Variants in RAF1 observed in about 807,000 individuals in gnomAD.
The protein encoded by RAF1 is Raf-1 proto-oncogene, serine/threonine kinase.
Under a neutral mutation model 81.1 loss-of-function variants are expected in RAF1, and 27 were observed. That is an observed-to-expected ratio of 0.33 (90% CI 0.25 to 0.46). RAF1 has a LOEUF of 0.46. Ranked by LOEUF, RAF1 falls within the 20% of genes least tolerant of loss-of-function variation. The probability of loss-of-function intolerance (pLI) is 1.00; values close to 1 mark genes in which losing one functional copy is unlikely to be tolerated. For synonymous variants in RAF1, 298 were observed against 294.0 expected (o/e 1.01, Z -0.14); for missense variants, 598 against 826.0 (o/e 0.72, Z 3.38).
chr3:12,651,781 G>C (rs191748082), intron 1 of RAF1, among the ~76,000 whole-genome samples: 43 of 151,878 alleles, frequency 2.8e-4, no homozygotes, highest in African/African-American at 9.9e-4. Context: ...AGGCCAAGGC[G>C]GGCAAATCAC....
In RAF1 at chr3:12,587,413, G is replaced by C. The variant is rs2058363466; in HGVS notation, c.1477+178C>G. The C allele has an allele frequency of 7.2e-6, 5 of 698,038 alleles. No homozygotes were observed. The Admixed American group carries it at 1.1e-4, about 15-fold the overall frequency. 43.2% of individuals were successfully genotyped at this position (698,038 alleles called of 1,614,324 possible). On this transcript the variant is annotated intron_variant, in intron 14 of 17. Coordinates refer to ENST00000442415, the MANE Select transcript of RAF1 (RefSeq NM_001354689.3). ...TCTCATCAGTCCAGGTGAGGCATAA[G>C]CTGCTGAGGGACAGGCCAAGCCTAC...
rs185200707 is a variant in RAF1, at chr3:12,610,796, A to G, written c.320+1154T>C. Among the ~76,000 whole-genome samples the G allele has an allele frequency of 4.2e-3, 639 of 152,314 alleles. 3 individuals are homozygous for G. Among genetic ancestry groups the G allele is most frequent in the Middle Eastern group, 0.01 (3 of 294 alleles). Reference sequence around the variant, plus strand: ...AAAAGAACCCTTTAAAGGTTTCCCTATATTTTCGGGGTGGAGGGAATAATG... The same window carrying G: ...AAAAGAACCCTTTAAAGGTTTCCCTGTATTTTCGGGGTGGAGGGAATAATG... On this transcript the variant is annotated intron_variant, in intron 3 of 17. Transcript: ENST00000442415.
At chr3:12,655,007 C>CCCA (rs1553624751) in intron 1 of RAF1, among the ~76,000 whole-genome samples, 1 of 148,446 alleles carries the variant, frequency 6.7e-6, no homozygotes, top group Non-Finnish European at 1.5e-5. Context: ...GAGACCCCCC[C>CCCA]CCCGCCATCT....
chr3:12,640,414 C>G lies in RAF1; in HGVS notation c.-26-21667G>C, dbSNP rs369822252. Among the ~76,000 whole-genome samples, 6 of 152,000 alleles carry G rather than the reference C, an allele frequency of 3.9e-5. No individual in the cohort carries two copies. In the East Asian group the frequency reaches 9.6e-4, roughly 24 times the overall value. ...GCTTCTGCACAGCAAAAGAAACTAC[C>G]ATCACAGTGAACACGCAACCTACAG... On this transcript the variant is annotated intron_variant, in intron 1 of 17. Coordinates refer to ENST00000442415, the MANE Select transcript of RAF1 (RefSeq NM_001354689.3).
At chr3:12,613,435 C>T (rs1184650129) in intron 2 of RAF1, among the ~76,000 whole-genome samples, 4 of 151,566 alleles carry the variant, frequency 2.6e-5, no homozygotes, top group Admixed American at 6.6e-5. Flanking sequence ...CCCCACACCC[C>T]GCCCCCAGAA....
At chr3:12,621,387 T>C (rs1227448931) in intron 1 of RAF1, among the ~76,000 whole-genome samples, 1 of 152,216 alleles carries the variant, frequency 6.6e-6, no homozygotes, top group African/African-American at 2.4e-5. Flanking sequence ...CAAAAGTTTC[T>C]AACTGAATAT....
chr3:12,635,454 T>TTTAGTAGA (rs1321236979), intron 1 of RAF1, among the ~76,000 whole-genome samples: 13 of 141,954 alleles, frequency 9.2e-5, no homozygotes, highest in African/African-American at 2.9e-4. Context: ...CTAGCCAACA[T>TTTAGTAGA]GGTGAAACCC....
intron 1 of RAF1, among the ~76,000 whole-genome samples, chr3:12,629,736 A>G (rs1416031233): frequency 6.6e-6 from 1 of 152,158 alleles, no homozygotes; most frequent in Non-Finnish European, 1.5e-5. Context: ...GCTTCCTGGT[A>G]TCTGGCTCTT....
At chr3:12,649,894 C>T (rs1032847522) in intron 1 of RAF1, among the ~76,000 whole-genome samples, 4 of 151,994 alleles carry the variant, frequency 2.6e-5, no homozygotes, top group Non-Finnish European at 5.9e-5. Flanking sequence ...TGCCTGTAAT[C>T]CCAGCACTTT....
chr3:12,584,695 C>T (rs1397120133), intron 17 of RAF1, 38 bp from the exon 17 acceptor site: 1 of 1,613,964 alleles, frequency 6.2e-7, no homozygotes, highest in Admixed American at 1.7e-5. Flanking sequence ...TTAGCTGTGT[C>T]TCAAAGACAC....
chr3:12,662,338 T>TAAA lies in RAF1; in HGVS notation c.-27+1472_-27+1474dup, dbSNP rs61275660. Among the ~76,000 whole-genome samples, 69 of 100,872 alleles carry TAAA rather than the reference T, an allele frequency of 6.8e-4. 1 individual carries two copies. The highest frequency in any genetic ancestry group is 1.1e-3 in the Non-Finnish European group (54 of 50,928). 66.2% of individuals were successfully genotyped at this position (100,872 alleles called of 152,430 possible). On this transcript the variant is annotated intron_variant, in intron 1 of 17. Transcript: ENST00000442415. ...GCGACAGAGTGAGATCCTGTTCCTTTAAAAAAAAAAAAAAAAAAAAAAAAA... is the reference window on the plus strand; with the variant it reads ...GCGACAGAGTGAGATCCTGTTCCTTTAAAAAAAAAAAAAAAAAAAAAAAAAAAA...
chr3:12,607,134 C>G (rs910013352), intron 5 of RAF1, among the ~76,000 whole-genome samples: 1 of 152,140 alleles, frequency 6.6e-6, no homozygotes, highest in Admixed American at 6.6e-5. Context: ...AGATAAAAGA[C>G]TAAAATAGAA....
chr3:12,651,152 T>G (rs1260060786), intron 1 of RAF1, among the ~76,000 whole-genome samples: 1 of 152,250 alleles, frequency 6.6e-6, no homozygotes, highest in Non-Finnish European at 1.5e-5. Flanking sequence ...ATGTTTACCC[T>G]GCTTTTTTTC....
chr3:12,631,163 A>G (rs2059847802), intron 1 of RAF1, among the ~76,000 whole-genome samples: 1 of 152,206 alleles, frequency 6.6e-6, no homozygotes, highest in Non-Finnish European at 1.5e-5. Context: ...AAAAAATTTA[A>G]AAACTGGCCA....
chr3:12,658,044 T>C, intron 1 of RAF1, among the ~76,000 whole-genome samples: 1 of 152,290 alleles, frequency 6.6e-6, no homozygotes, highest in Non-Finnish European at 1.5e-5. Context: ...CTTAATATGT[T>C]TCCAATGTTG....
chr3:12,583,789 G>T lies in RAF1; in HGVS notation c.*725C>A, dbSNP rs1051816. On this transcript the variant is annotated 3_prime_UTR_variant, in exon 18 of 18. Transcript: ENST00000442415. ...GCTGTTTGTTTGTTTGTTTGTTAGA[G>T]AAACAAGGCTGGCCCTGCGGCCCCG... is the stretch of plus-strand genomic sequence containing the variant. 1 of 233,266 alleles carries T rather than the reference G, an allele frequency of 4.3e-6. No individual in the cohort carries two copies. The highest frequency in any genetic ancestry group is 2.2e-5 in the African/African-American group (1 of 45,314). The allele number at this position is 233,266 out of a possible 1,614,324, so 14.4% of individuals were successfully genotyped here. A position where few individuals can be genotyped will look rare whatever the true frequency, so the allele number is the denominator to read the frequency against.
chr3:12,641,459 A>ACATG (rs1354424392), intron 1 of RAF1, among the ~76,000 whole-genome samples: 1 of 150,546 alleles, frequency 6.6e-6, no homozygotes, highest in Admixed American at 6.6e-5. Context: ...TATTTGGTGG[A>ACATG]CATGTCCCCC....
At chr3:12,617,667 C>T (rs1181409832) in intron 2 of RAF1, among the ~76,000 whole-genome samples, 1 of 151,866 alleles carries the variant, frequency 6.6e-6, no homozygotes, top group Non-Finnish European at 1.5e-5. Flanking sequence ...AGGTGGATTA[C>T]CTGAGGTCAG....
Position 12,603,505 on chromosome 3 carries a change from C to A in RAF1, c.867G>T (p.Trp289Cys), listed in dbSNP as rs1037879020. ...TTCCCCTCAAACAAAATCGTCTGGACCACGCCCTGGGAGAAGCACTCAGGT... is the reference window on the plus strand; with the variant it reads ...TTCCCCTCAAACAAAATCGTCTGGAACACGCCCTGGGAGAAGCACTCAGGT... Residue 289 changes from tryptophan to cysteine, a missense_variant, in exon 8 of 18, where the codon TGG becomes TGT. By Grantham distance (215) the Trp-to-Cys change is radical (BLOSUM62 -2). Around this residue, in one of 5 missense-constraint regions of RAF1, gnomAD observed 194 missense variants for 202.7 expected, o/e 0.96. Coordinates refer to ENST00000442415, the MANE Select transcript of RAF1 (RefSeq NM_001354689.3). 7.1e-6 allele frequency: 5 copies of A among 701,310 alleles called. No individual in the cohort carries two copies. The highest frequency in any genetic ancestry group is 2.0e-5 in the Admixed American group (1 of 49,848). The allele number at this position is 701,310 out of a possible 1,614,324, so 43.4% of individuals were successfully genotyped here.
Sources: allele counts gnomAD v4.1 joint callset (sites outside exome capture counted in the v4.1 genomes callset), GRCh38; gene constraint gnomAD v4.1.1; regional missense constraint gnomAD v4.1.1; transcripts MANE v1.5; gene names NCBI Gene and HGNC (gene_info 2026-07-23, HGNC 2026-07-21).